SV2C: variants seen among roughly 807,000 people sequenced by gnomAD.
The protein encoded by SV2C is solute carrier family 22 member B3.
SV2C carries 49 observed loss-of-function variants against 79.7 expected under a neutral mutation model. The observed-to-expected ratio is 0.61, with a 90% CI of 0.49 to 0.78. The LOEUF (loss-of-function observed/expected upper bound fraction) is 0.78, where lower values mean the gene tolerates loss of function less well. SV2C is among the 30% of genes least tolerant of loss of function. The pLI is 0.00. For missense variants in SV2C, 833 were observed against 912.9 expected (o/e 0.91, Z 1.13); for synonymous variants, 334 against 333.2 (o/e 1.00, Z -0.03).
In SV2C at chr5:76,119,352, G is replaced by A. The variant is rs142588255; in HGVS notation, c.-101-12298G>A. Among the ~76,000 whole-genome samples the A allele has an allele frequency of 3.1e-3, 467 of 152,202 alleles. 4 individuals carry two copies. Among genetic ancestry groups the A allele is most frequent in the African/African-American group, 8.7e-3 (362 of 41,458 alleles). Reference sequence around the variant, plus strand: ...TTCAAAGTACTGTTGGATAACAAATGACTGACTTCAAAAGAAAGAAGAAAA... The same window carrying A: ...TTCAAAGTACTGTTGGATAACAAATAACTGACTTCAAAAGAAAGAAGAAAA... On this transcript the variant is annotated intron_variant, in intron 1 of 12. Coordinates refer to ENST00000502798, the MANE Select transcript of SV2C (RefSeq NM_014979.4).
intron 2 of SV2C, among the ~76,000 whole-genome samples, chr5:76,172,420 T>TG (rs1215488429): frequency 4.3e-4 from 3 of 6,966 alleles, no homozygotes; most frequent in Non-Finnish European, 5.6e-4. Context: ...GGGAGGGAGG[T>TG]GGGGGGGGTC....
At chr5:76,234,222 C>T (rs1745538323) in intron 4 of SV2C, among the ~76,000 whole-genome samples, 1 of 152,124 alleles carries the variant, frequency 6.6e-6, no homozygotes, top group Admixed American at 6.5e-5. Flanking sequence ...CCTAGAACTG[C>T]CTCACACAGC....
intron 4 of SV2C, among the ~76,000 whole-genome samples, chr5:76,226,696 G>T (rs1745257511): frequency 6.6e-6 from 1 of 152,176 alleles, no homozygotes; most frequent in Non-Finnish European, 1.5e-5. Context: ...TCAAAGCAAG[G>T]TATAGGCCTA....
chr5:75,906,642 T>G, the SV2C span, among the ~76,000 whole-genome samples: 12 of 152,198 alleles, frequency 7.9e-5, no homozygotes, highest in African/African-American at 2.9e-4. Flanking sequence ...GGTCTCTTTC[T>G]CCACATCTCA....
chr5:75,937,718 A>C, the SV2C span, among the ~76,000 whole-genome samples: 3 of 152,192 alleles, frequency 2.0e-5, no homozygotes, highest in South Asian at 6.2e-4. Context: ...AAAGAAACAA[A>C]AAAACAAAAC....
chr5:76,122,848 G>C (rs770851032), intron 1 of SV2C, among the ~76,000 whole-genome samples: 1 of 152,020 alleles, frequency 6.6e-6, no homozygotes, highest in Non-Finnish European at 1.5e-5. Flanking sequence ...TCAAAAGCTA[G>C]CAGAAGGCAA....
the SV2C span, among the ~76,000 whole-genome samples, chr5:75,991,370 G>A: frequency 2.8e-4 from 42 of 151,262 alleles, no homozygotes; most frequent in African/African-American, 9.4e-4. Flanking sequence ...CATATACACA[G>A]CAAATATTTC....
chr5:76,063,097 T>G, the SV2C span, among the ~76,000 whole-genome samples: 1 of 152,156 alleles, frequency 6.6e-6, no homozygotes, highest in Non-Finnish European at 1.5e-5. Flanking sequence ...AAGATAAAAT[T>G]AGTTTATGTA....
the SV2C span, chr5:75,910,471 G>T: frequency 1.7e-6 from 1 of 603,114 alleles, no homozygotes; most frequent in Non-Finnish European, 3.1e-6. Flanking sequence ...GGAAGTTCTT[G>T]AGGTCCTTGT....
intron 2 of SV2C, among the ~76,000 whole-genome samples, chr5:76,157,260 A>G (rs928699933): frequency 3.3e-5 from 5 of 152,136 alleles, no homozygotes; most frequent in Admixed American, 1.3e-4. Flanking sequence ...AGTGATGTCC[A>G]GATTCAAATT....
At chr5:76,315,529 A>G (rs2913259) in intron 12 of SV2C, among the ~76,000 whole-genome samples, 13,998 of 152,224 alleles carry the variant, frequency 0.092, 699 homozygotes, top group Admixed American at 0.14. Context: ...AAGGCTACCC[A>G]GCTCCACTCC....
chr5:76,209,771 T>G lies in SV2C; in HGVS notation c.797T>G (p.Phe266Cys), dbSNP rs778208037. ...GCCATACCCACTGTGTTCTCGTACT[T>G]TGCTGAAGTCCTGGCCCGGGAAAAG... The part of the protein sequence containing the change: ...GGAIPTVFSY[F>C]AEVLAREKRG... Residue 266 changes from phenylalanine (F) to cysteine (C), a missense_variant, in exon 4 of 13, where the codon TTT becomes TGT. Phe to Cys is a radical substitution (Grantham distance 205). Transcript: ENST00000502798. The G allele has an allele frequency of 6.2e-7, 1 of 1,614,216 alleles. No individual in the cohort carries two copies. Among genetic ancestry groups the G allele is most frequent in the Non-Finnish European group, 8.5e-7 (1 of 1,180,036 alleles).
At chr5:75,981,582 T>A in the SV2C span, among the ~76,000 whole-genome samples, 3 of 152,148 alleles carry the variant, frequency 2.0e-5, no homozygotes, top group Non-Finnish European at 4.4e-5. Context: ...AACTATCTGA[T>A]ATGCCACAAA....
the SV2C span, among the ~76,000 whole-genome samples, chr5:75,928,408 A>G: frequency 1.3e-5 from 2 of 152,126 alleles, no homozygotes; most frequent in Non-Finnish European, 2.9e-5. Flanking sequence ...TCAGTCCCTT[A>G]TGCTGCTGCA....
chr5:75,961,245 T>C, the SV2C span, among the ~76,000 whole-genome samples: 1 of 152,048 alleles, frequency 6.6e-6, no homozygotes, highest in African/African-American at 2.4e-5. Context: ...TGCATATGTC[T>C]AGGTTTTCTG....
At chr5:75,931,617 A>G in the SV2C span, among the ~76,000 whole-genome samples, 1 of 152,190 alleles carries the variant, frequency 6.6e-6, no homozygotes, top group Non-Finnish European at 1.5e-5. Flanking sequence ...TGTCAAATGG[A>G]AAGCTAAGGC....
the SV2C span, among the ~76,000 whole-genome samples, chr5:75,994,980 C>G: frequency 2.0e-5 from 3 of 152,188 alleles, no homozygotes; most frequent in East Asian, 5.8e-4. Flanking sequence ...GGAGTAAGTC[C>G]CAGGGTCTGA....
chr5:76,312,585 G>A (rs547344772), intron 12 of SV2C, among the ~76,000 whole-genome samples: 6 of 152,234 alleles, frequency 3.9e-5, no homozygotes, highest in Admixed American at 2.0e-4. Flanking sequence ...CCTCCGTGGC[G>A]CTCGGGGCCA....
At chr5:75,969,435 C>T in the SV2C span, among the ~76,000 whole-genome samples, 1 of 152,080 alleles carries the variant, frequency 6.6e-6, no homozygotes, top group Non-Finnish European at 1.5e-5. Flanking sequence ...ACCCATTTCA[C>T]ATGCAGAGAC....
Sources: allele counts gnomAD v4.1 joint callset (sites outside exome capture counted in the v4.1 genomes callset), GRCh38; gene constraint gnomAD v4.1.1; transcripts MANE v1.5; gene names NCBI Gene and HGNC (gene_info 2026-07-23, HGNC 2026-07-21).